Variants in EIPR1 observed in about 807,000 individuals in gnomAD.
EIPR1 encodes EARP complex and GARP complex interacting protein 1.
Under a neutral mutation model 48.1 loss-of-function variants are expected in EIPR1, and 25 were observed. That is an observed-to-expected ratio of 0.52 (90% confidence interval 0.38 to 0.73). The LOEUF is 0.73. EIPR1 is among the 30% of genes least tolerant of loss of function. The pLI is 0.00. For synonymous variants in EIPR1, 204 were observed against 201.9 expected (o/e 1.01, Z -0.09); for missense variants, 415 against 506.2 (o/e 0.82, Z 1.73).
Position 3,318,875 on chromosome 2 carries a change from A to G in EIPR1, c.259+19142T>C, listed in dbSNP as rs901830614. ...AGCTCACCTGCGACCTGTCCCCTGA[A>G]GAAGACCTGGTGCAACGTGTTTACA... On this transcript the variant is annotated intron_variant, in intron 3 of 8. Transcript: ENST00000382125. 1.3e-5 allele frequency: 6 copies of G among 471,212 alleles called. No individual in the cohort carries two copies. In the Admixed American group the frequency reaches 1.4e-4, roughly 11 times the overall value. 29.2% of individuals were successfully genotyped at this position (471,212 alleles called of 1,614,324 possible).
At position 3,370,649 on chromosome 2, in the gene EIPR1, T is replaced by C. The variant is rs1671092486; in HGVS notation, c.42+6999A>G. 2.0e-5 allele frequency among the ~76,000 whole-genome samples: 3 copies of C among 151,966 alleles called. No homozygotes were observed. In the South Asian group the frequency reaches 6.2e-4, roughly 32 times the overall value. ...AAGAAAGGGTATCAGTGATGGAAGA[T>C]GAAATGAATGAAATGAAGCGAGAAG... On this transcript the variant is annotated intron_variant, in intron 1 of 8. Transcript: ENST00000382125.
chr2:3,353,689 A>T (rs115208333), intron 2 of EIPR1, among the ~76,000 whole-genome samples: 45 of 152,366 alleles, frequency 3.0e-4, no homozygotes, highest in African/African-American at 1.1e-3. Flanking sequence ...GATTAAGTAT[A>T]TAAACATTTA....
chr2:3,230,778 A>G (rs1290587641), intron 4 of EIPR1, among the ~76,000 whole-genome samples: 2 of 152,284 alleles, frequency 1.3e-5, no homozygotes, highest in African/African-American at 4.8e-5. Flanking sequence ...AGAAATTAGG[A>G]AGTGGAATGT....
intron 3 of EIPR1, among the ~76,000 whole-genome samples, chr2:3,264,136 C>T (rs1667416719): frequency 6.6e-6 from 1 of 152,216 alleles, no homozygotes. Flanking sequence ...TCACCAACAT[C>T]TCCCTTTTCC....
At chr2:3,300,401 C>A (rs192979094) in intron 3 of EIPR1, among the ~76,000 whole-genome samples, 1 of 152,148 alleles carries the variant, frequency 6.6e-6, no homozygotes, top group East Asian at 1.9e-4. Context: ...CTCTCCTTCT[C>A]GTCAGTGCCT....
intron 1 of EIPR1, among the ~76,000 whole-genome samples, chr2:3,369,982 AC>A (rs552578488): frequency 0.16 from 24,559 of 150,666 alleles, 2,224 homozygotes; most frequent in Non-Finnish European, 0.21. Context: ...ACTGGGAGGC[AC>A]CCCCCCCGTA....
intron 1 of EIPR1, among the ~76,000 whole-genome samples, chr2:3,374,896 C>T (rs1297472189): frequency 6.9e-6 from 1 of 144,592 alleles, no homozygotes; most frequent in Non-Finnish European, 1.5e-5. Context: ...ACCCAAAGGA[C>T]TATAAATCAT....
At chr2:3,353,811 C>T (rs1165383020) in intron 2 of EIPR1, among the ~76,000 whole-genome samples, 2 of 152,096 alleles carry the variant, frequency 1.3e-5, no homozygotes, top group East Asian at 1.9e-4. Context: ...TCCAGGCCTG[C>T]GTATTCTTCG....
At chr2:3,323,087 A>G (rs929986559) in intron 3 of EIPR1, among the ~76,000 whole-genome samples, 1 of 147,442 alleles carries the variant, frequency 6.8e-6, no homozygotes, top group African/African-American at 2.6e-5. Flanking sequence ...CTTATATTAC[A>G]GTTCCTCTCT....
chr2:3,328,820 C>G (rs62119481), intron 3 of EIPR1, among the ~76,000 whole-genome samples: 10,261 of 116,156 alleles, frequency 0.088, 246 homozygotes, highest in Non-Finnish European at 0.12. Context: ...GCCCACCCAC[C>G]ACGCTCTAAT....
At chr2:3,195,650 G>A (rs768352429) in intron 6 of EIPR1, among the ~76,000 whole-genome samples, 13 of 152,256 alleles carry the variant, frequency 8.5e-5, no homozygotes, top group Admixed American at 6.5e-4. Flanking sequence ...ACAGTCGCAC[G>A]TGCACGATGT....
intron 4 of EIPR1, among the ~76,000 whole-genome samples, chr2:3,248,749 C>A (rs930258659): frequency 6.6e-6 from 1 of 152,070 alleles, no homozygotes; most frequent in Non-Finnish European, 1.5e-5. Context: ...CCAGACTGGG[C>A]GACAAAGTGA....
rs1322934647 is a variant in EIPR1, at chr2:3,246,823, GGAAGGGAGGGAA to G, written c.416+10464_416+10475del. 4.1e-4 allele frequency among the ~76,000 whole-genome samples: 26 copies of G among 63,496 alleles called. 1 individual carries two copies. The highest frequency in any genetic ancestry group is 5.8e-4 in the East Asian group (1 of 1,716). The allele number at this position is 63,496 out of a possible 152,430, so 41.7% of individuals were successfully genotyped here. A position where few individuals can be genotyped will look rare whatever the true frequency, so the allele number is the denominator to read the frequency against. On this transcript the variant is annotated intron_variant, in intron 4 of 8. Transcript: ENST00000382125. ...AGGGAGGCAGGGAGGGAGGGAGGGA[GGAAGGGAGGGAA>G]GGAGGAAGGGAGGGAAGGAGGAAGG...
At chr2:3,291,497 T>C (rs1558277554) in intron 3 of EIPR1, among the ~76,000 whole-genome samples, 1 of 152,210 alleles carries the variant, frequency 6.6e-6, no homozygotes, top group African/African-American at 2.4e-5. Flanking sequence ...AAATACATTA[T>C]GATATAGATC....
chr2:3,291,341 G>A (rs1369717238), intron 3 of EIPR1, among the ~76,000 whole-genome samples: 1 of 152,120 alleles, frequency 6.6e-6, no homozygotes, highest in Admixed American at 6.5e-5. Flanking sequence ...GCACAGTTCT[G>A]CCGTGTACCC....
rs756969533 is a variant in EIPR1, at chr2:3,189,337, T to C, written c.1161A>G (p.Leu387=). ...VPRALKYHIL[L] is the part of the protein sequence containing the mutation. ...CTGGATAACCCAGGCCCGGGAGTCA[T>C]AGCAGGATGTGGTACTTCAGGGCCC... Residue 387 remains leucine, a synonymous_variant, in exon 9 of 9, where the codon CTA becomes CTG. Coordinates refer to ENST00000382125, the MANE Select transcript of EIPR1 (RefSeq NM_003310.5). This position sits in a 1 kb window ranked among gnomAD's most constrained non-coding sequence, Gnocchi z 4.6. The C allele has an allele frequency of 2.5e-6, 4 of 1,582,028 alleles. No individual in the cohort carries two copies. Among genetic ancestry groups the C allele is most frequent in the African/African-American group, 2.7e-5 (2 of 74,434 alleles).
At chr2:3,199,545 G>T (rs967674028) in intron 5 of EIPR1, among the ~76,000 whole-genome samples, 1 of 152,244 alleles carries the variant, frequency 6.6e-6, no homozygotes, top group African/African-American at 2.4e-5. Context: ...GGTGAGAAGA[G>T]GTCAAGAGAA....
chr2:3,196,129 G>C (rs1664798420), intron 6 of EIPR1, among the ~76,000 whole-genome samples: 1 of 152,228 alleles, frequency 6.6e-6, no homozygotes, highest in Non-Finnish European at 1.5e-5. Flanking sequence ...GTGCACAAAG[G>C]AGGAAGTGGC....
At chr2:3,335,989 C>T (rs1028835177) in intron 3 of EIPR1, among the ~76,000 whole-genome samples, 1 of 152,108 alleles carries the variant, frequency 6.6e-6, no homozygotes, top group African/African-American at 2.4e-5. Flanking sequence ...TAAGAAAAGG[C>T]CGAGGACGGG....
Sources: gnomAD v4.1 joint callset for allele counts (sites outside exome capture counted in the v4.1 genomes callset) on GRCh38, gnomAD v4.1.1 for gene constraint, Gnocchi (gnomAD v3.1) non-coding constraint, MANE v1.5 for transcripts, NCBI Gene and HGNC (gene_info 2026-07-23, HGNC 2026-07-21) for gene names.